The following IL1RAPL1 variants were observed in gnomAD, a reference collection of about 807,000 sequenced individuals.
IL1RAPL1 encodes the protein interleukin 1 receptor accessory protein like 1.
IL1RAPL1 carries 3 observed loss-of-function variants against 48.4 expected under a neutral mutation model. That is an observed-to-expected ratio of 0.06 (90% confidence interval 0.03 to 0.16). IL1RAPL1 has a LOEUF of 0.16. Ranked by LOEUF, IL1RAPL1 falls within the 10% of genes least tolerant of loss-of-function variation. The pLI is 1.00. For missense variants in IL1RAPL1, 349 were observed against 530.6 expected, an observed-to-expected ratio of 0.66 and a Z score of 3.36; for synonymous variants, 185 against 187.7, an observed-to-expected ratio of 0.99 and a Z score of 0.12.
intron 1 of IL1RAPL1, among the ~76,000 whole-genome samples, chrX:28,786,845 A>C (rs1936480815): frequency 8.9e-6 from 1 of 112,250 alleles, no homozygotes; most frequent in African/African-American, 3.2e-5. Flanking sequence ...AACCTCACTA[A>C]ATGATTATGT....
At chrX:28,829,811 G>C (rs772223333) in intron 2 of IL1RAPL1, among the ~76,000 whole-genome samples, 1 of 110,495 alleles carries the variant, frequency 9.1e-6, no homozygotes, top group African/African-American at 3.3e-5. Flanking sequence ...TCCCACCTCG[G>C]CCTCCCAAAG....
chrX:29,333,920 G>C (rs1932929331), intron 3 of IL1RAPL1, among the ~76,000 whole-genome samples: 1 of 88,023 alleles, frequency 1.1e-5, no homozygotes, highest in Admixed American at 1.1e-4. Context: ...CTGGCCAGGC[G>C]GGGGGCTGAT....
At chrX:29,734,004 T>G (rs1927984193) in intron 6 of IL1RAPL1, among the ~76,000 whole-genome samples, 1 of 112,910 alleles carries the variant, frequency 8.9e-6, no homozygotes. Context: ...AAAGTTTCTT[T>G]CTGCGCAAGT....
intron 2 of IL1RAPL1, among the ~76,000 whole-genome samples, chrX:28,890,634 CA>C (rs1922747646): frequency 9.0e-6 from 1 of 111,541 alleles, no homozygotes; most frequent in South Asian, 3.7e-4. Flanking sequence ...TAACTGTTGT[CA>C]AAAATGTTAT....
At chrX:29,907,086 A>G (rs1382081656) in intron 6 of IL1RAPL1, among the ~76,000 whole-genome samples, 3 of 111,685 alleles carry the variant, frequency 2.7e-5, no homozygotes, top group Non-Finnish European at 3.8e-5. Context: ...AACTTTCCCT[A>G]AAGTTCCTAT....
chrX:29,185,963 T>A (rs916718365), intron 2 of IL1RAPL1, among the ~76,000 whole-genome samples: 1 of 111,397 alleles, frequency 9.0e-6, no homozygotes, highest in African/African-American at 3.3e-5. Context: ...AGAGTGGAAA[T>A]ACTTAAATAA....
chrX:29,208,726 TAATAATAATA>T (rs1172531818), intron 2 of IL1RAPL1, among the ~76,000 whole-genome samples: 56 of 87,347 alleles, frequency 6.4e-4, no homozygotes, highest in African/African-American at 2.8e-3. Context: ...ATAATAATAA[TAATAATAATA>T]AATAAATAAA....
chrX:29,270,085 T>C (rs1352997182), intron 2 of IL1RAPL1, among the ~76,000 whole-genome samples: 2 of 112,092 alleles, frequency 1.8e-5, no homozygotes, highest in Non-Finnish European at 3.8e-5. Context: ...ATGACATGTA[T>C]AAATAATTCA....
chrX:29,489,155 T>A (rs1173399708), intron 5 of IL1RAPL1, among the ~76,000 whole-genome samples: 1 of 111,682 alleles, frequency 9.0e-6, no homozygotes, highest in Non-Finnish European at 1.9e-5. Flanking sequence ...GAACACAGTG[T>A]ATGTGACTAC....
chrX:28,746,476 G>A (rs940595929), intron 1 of IL1RAPL1, among the ~76,000 whole-genome samples: 2 of 111,697 alleles, frequency 1.8e-5, no homozygotes, highest in African/African-American at 6.5e-5. Flanking sequence ...ATATTTTAAT[G>A]AGTGGTACAT....
At chrX:29,216,308 G>C (rs1930868101) in intron 2 of IL1RAPL1, among the ~76,000 whole-genome samples, 1 of 110,779 alleles carries the variant, frequency 9.0e-6, no homozygotes, top group Non-Finnish European at 1.9e-5. Flanking sequence ...TCCCACCTCA[G>C]CCTCCTTAGT....
chrX:28,937,347 A>C (rs1924042929), intron 2 of IL1RAPL1, among the ~76,000 whole-genome samples: 1 of 111,007 alleles, frequency 9.0e-6, no homozygotes, highest in African/African-American at 3.3e-5. Flanking sequence ...AGGCTGTGAG[A>C]GTGACCAGTT....
chrX:29,763,497 T>C (rs1260924287), intron 6 of IL1RAPL1, among the ~76,000 whole-genome samples: 1 of 111,371 alleles, frequency 9.0e-6, no homozygotes, highest in Admixed American at 9.7e-5. Flanking sequence ...CATACATATA[T>C]GTAATGTGAT....
intron 2 of IL1RAPL1, among the ~76,000 whole-genome samples, chrX:28,970,943 A>G (rs1925055435): frequency 9.0e-6 from 1 of 111,646 alleles, no homozygotes; most frequent in Admixed American, 9.6e-5. Context: ...AGTCTAAAAA[A>G]GCACATGTAG....
chrX:29,621,141 T>C (rs1409589832), intron 5 of IL1RAPL1, among the ~76,000 whole-genome samples: 4 of 112,061 alleles, frequency 3.6e-5, no homozygotes, highest in Non-Finnish European at 7.5e-5. Flanking sequence ...ATTCTTTAAA[T>C]GTACTTCAAG....
intron 6 of IL1RAPL1, among the ~76,000 whole-genome samples, chrX:29,886,513 G>C (rs1932171326): frequency 8.9e-6 from 1 of 112,170 alleles, no homozygotes; most frequent in Admixed American, 9.5e-5. Flanking sequence ...TTATAATCAA[G>C]TGAGGAAAAG....
chrX:29,699,359 T>A (rs1926994923), intron 6 of IL1RAPL1, among the ~76,000 whole-genome samples: 1 of 112,758 alleles, frequency 8.9e-6, no homozygotes, highest in African/African-American at 3.2e-5. Flanking sequence ...ACATAACTCA[T>A]GTGAGTGGAA....
intron 5 of IL1RAPL1, among the ~76,000 whole-genome samples, chrX:29,561,335 C>A (rs1468270127): frequency 1.8e-5 from 2 of 112,093 alleles, no homozygotes; most frequent in Non-Finnish European, 3.8e-5. Context: ...GAGACACATA[C>A]GAGAAAGTTA....
intron 1 of IL1RAPL1, among the ~76,000 whole-genome samples, chrX:28,624,238 G>A (rs923290465): frequency 1.3e-4 from 14 of 111,566 alleles, no homozygotes; most frequent in Admixed American, 6.7e-4. Flanking sequence ...GGGGAAAGCA[G>A]ACTTCAAACC....
Sources: allele counts gnomAD v4.1 joint callset (sites outside exome capture counted in the v4.1 genomes callset), GRCh38; gene constraint gnomAD v4.1.1; transcripts MANE v1.5; gene names NCBI Gene and HGNC (gene_info 2026-07-23, HGNC 2026-07-21).